Variants in C1orf198 observed in about 807,000 individuals in gnomAD.
The protein encoded by C1orf198 is uncharacterized protein C1orf198.
A neutral mutation model predicts 31.4 loss-of-function variants in C1orf198; 17 were observed. That is an observed-to-expected ratio of 0.54 (90% confidence interval 0.37 to 0.81). The LOEUF is 0.81. C1orf198 is among the 40% of genes least tolerant of loss of function. C1orf198 has a pLI of 0.00. For missense variants in C1orf198, 401 were observed against 450.3 expected (o/e 0.89, Z 0.99); for synonymous variants, 175 against 193.8 (o/e 0.90, Z 0.81).
At chr1:230,858,155 A>G (rs936861453) in intron 1 of C1orf198, among the ~76,000 whole-genome samples, 3 of 152,204 alleles carry the variant, frequency 2.0e-5, no homozygotes, top group African/African-American at 7.2e-5. Context: ...CTCCTAGCAG[A>G]GGCAGAGGGC....
intron 2 of C1orf198, among the ~76,000 whole-genome samples, chr1:230,854,300 C>T (rs753864568): frequency 8.5e-5 from 13 of 152,156 alleles, no homozygotes; most frequent in Non-Finnish European, 1.5e-4. Flanking sequence ...ATTAGTACTT[C>T]TCACAATTAC....
intron 2 of C1orf198, among the ~76,000 whole-genome samples, chr1:230,844,387 G>A (rs928011406): frequency 6.6e-6 from 1 of 151,982 alleles, no homozygotes; most frequent in Admixed American, 6.6e-5. Flanking sequence ...TCCACCATGA[G>A]CCACAGCCCC....
In C1orf198 at chr1:230,841,050, C is replaced by T. The variant is rs150250914; in HGVS notation, c.928-1142G>A. 3.3e-5 allele frequency among the ~76,000 whole-genome samples: 5 copies of T among 152,360 alleles called. No individual in the cohort carries two copies. The East Asian group carries it at 9.6e-4, about 29-fold the overall frequency. On this transcript the variant is annotated intron_variant, in intron 3 of 3. Coordinates refer to ENST00000366663, the MANE Select transcript of C1orf198 (RefSeq NM_032800.3). The stretch of plus-strand genomic sequence containing the variant: ...CTTCTCTTTAGAGTGGGGACTATCA[C>T]CTATTTTATGGAAATACTTCTTTCA...
At chr1:230,851,013 C>A (rs1028575116) in intron 2 of C1orf198, among the ~76,000 whole-genome samples, 1 of 152,034 alleles carries the variant, frequency 6.6e-6, no homozygotes, top group Non-Finnish European at 1.5e-5. Flanking sequence ...AACAGGGACA[C>A]CAGCCTCCCA....
intron 2 of C1orf198, among the ~76,000 whole-genome samples, chr1:230,849,757 AG>A (rs1030959205): frequency 1.2e-4 from 18 of 152,368 alleles, no homozygotes; most frequent in African/African-American, 4.1e-4. Context: ...AGGCTACAGA[AG>A]CCTTGTCAGA....
At chr1:230,845,412 G>A (rs147747553) in intron 2 of C1orf198, among the ~76,000 whole-genome samples, 3 of 151,882 alleles carry the variant, frequency 2.0e-5, no homozygotes, top group South Asian at 2.1e-4. Flanking sequence ...GGCCAGGCAC[G>A]ATGGCTCACG....
chr1:230,849,510 G>A (rs1669684200), intron 2 of C1orf198, among the ~76,000 whole-genome samples: 1 of 152,096 alleles, frequency 6.6e-6, no homozygotes, highest in Admixed American at 6.5e-5. Context: ...GGCTCTGCTG[G>A]GAGGACTCCC....
intron 2 of C1orf198, among the ~76,000 whole-genome samples, chr1:230,849,927 G>T (rs1669697342): frequency 6.6e-6 from 1 of 152,158 alleles, no homozygotes; most frequent in Non-Finnish European, 1.5e-5. Context: ...CAGCTGACAG[G>T]GACAAACCCA....
At chr1:230,848,680 C>T (rs550493417) in intron 2 of C1orf198, among the ~76,000 whole-genome samples, 1 of 152,038 alleles carries the variant, frequency 6.6e-6, no homozygotes, top group South Asian at 2.1e-4. Flanking sequence ...TATTGTATAT[C>T]GAAAAAAAAC....
rs1307464522 is a variant in C1orf198, at chr1:230,857,717, T to C, written c.334-1999A>G. Among the ~76,000 whole-genome samples, 1 of 152,104 alleles carries C rather than the reference T, an allele frequency of 6.6e-6. No individual in the cohort carries two copies. Among genetic ancestry groups the C allele is most frequent in the African/African-American group, 2.4e-5 (1 of 41,404 alleles). ...GGACAGCATATAAAAGGACTAAATATATTTATATCAGGAAAAAAAACACCA... is the reference window on the plus strand; with the variant it reads ...GGACAGCATATAAAAGGACTAAATACATTTATATCAGGAAAAAAAACACCA... On this transcript the variant is annotated intron_variant, in intron 1 of 3. Coordinates refer to ENST00000366663, the MANE Select transcript of C1orf198 (RefSeq NM_032800.3). The surrounding 1 kb of genome is among the most constrained non-coding windows in gnomAD (Gnocchi z 4.2).
intron 2 of C1orf198, among the ~76,000 whole-genome samples, chr1:230,844,539 TAC>T (rs892623238): frequency 2.7e-4 from 41 of 152,284 alleles, no homozygotes; most frequent in Admixed American, 5.2e-4. Flanking sequence ...AACACACTGA[TAC>T]ACTCCCTCAT....
At chr1:230,868,837 C>G (rs185468776), upstream of C1orf198, 1 of 157,968 alleles carries the variant, frequency 6.3e-6, no homozygotes, top group Non-Finnish European at 1.4e-5. Context: ...GCCGGCGTGT[C>G]CCTGAGTCCG....
At chr1:230,865,091 GC>G (rs966863162) in intron 1 of C1orf198, among the ~76,000 whole-genome samples, 6 of 152,280 alleles carry the variant, frequency 3.9e-5, no homozygotes, top group African/African-American at 1.4e-4. Flanking sequence ...AAAGTGCACG[GC>G]CCCAGTGTCT....
chr1:230,865,544 G>A (rs1670099783), intron 1 of C1orf198, among the ~76,000 whole-genome samples: 1 of 152,220 alleles, frequency 6.6e-6, no homozygotes, highest in Non-Finnish European at 1.5e-5. Flanking sequence ...CCTAAAGACT[G>A]ATAGGTCCCT....
intron 1 of C1orf198, among the ~76,000 whole-genome samples, chr1:230,861,803 G>A (rs1407499691): frequency 6.6e-6 from 1 of 152,218 alleles, no homozygotes; most frequent in Non-Finnish European, 1.5e-5. Context: ...ACAGCTAGGC[G>A]GGGAGTGAGG....
At chr1:230,844,556 T>C (rs1669537284) in intron 2 of C1orf198, among the ~76,000 whole-genome samples, 1 of 152,220 alleles carries the variant, frequency 6.6e-6, no homozygotes, top group Admixed American at 6.5e-5. Flanking sequence ...CCTCATGCAC[T>C]ATGCTACATG....
At chr1:230,859,791 T>G (rs914530337) in intron 1 of C1orf198, among the ~76,000 whole-genome samples, 10 of 152,210 alleles carry the variant, frequency 6.6e-5, no homozygotes, top group African/African-American at 1.9e-4. Flanking sequence ...GAAATGTTCA[T>G]TCAATTCAGT....
intron 2 of C1orf198, among the ~76,000 whole-genome samples, chr1:230,850,698 G>A (rs1163949962): frequency 1.3e-5 from 2 of 151,738 alleles, no homozygotes; most frequent in African/African-American, 4.8e-5. Flanking sequence ...GAGGGAGGGA[G>A]GGGACTGCTG....
chr1:230,852,155 G>A (rs534547054), intron 2 of C1orf198, among the ~76,000 whole-genome samples: 28 of 152,254 alleles, frequency 1.8e-4, no homozygotes, highest in Non-Finnish European at 2.6e-4. Context: ...TGGGTTAAAC[G>A]TATGGAGAAA....
Sources: gnomAD v4.1 joint callset for allele counts (sites outside exome capture counted in the v4.1 genomes callset) on GRCh38, gnomAD v4.1.1 for gene constraint, Gnocchi (gnomAD v3.1) non-coding constraint, MANE v1.5 for transcripts, NCBI Gene and HGNC (gene_info 2026-07-23, HGNC 2026-07-21) for gene names.